LGR6: variants seen among roughly 807,000 people sequenced by gnomAD.
LGR6 encodes leucine rich repeat containing G protein-coupled receptor 6.
A neutral mutation model predicts 69.4 loss-of-function variants in LGR6; 45 were observed. The observed-to-expected ratio is 0.65, with a 90% CI of 0.51 to 0.83. The LOEUF (loss-of-function observed/expected upper bound fraction) is 0.83, where lower values mean the gene tolerates loss of function less well. LGR6 is among the 40% of genes least tolerant of loss of function. LGR6 has a pLI of 0.00. For missense variants in LGR6, 1,108 were observed against 1,246.7 expected, an observed-to-expected ratio of 0.89 and a Z score of 1.68; for synonymous variants, 538 against 555.0, an observed-to-expected ratio of 0.97 and a Z score of 0.43.
Position 202,268,864 on chromosome 1 carries a change from G to C in LGR6, c.429-7442G>C, listed in dbSNP as rs578128921. Among the ~76,000 whole-genome samples the C allele has an allele frequency of 9.0e-4, 137 of 152,258 alleles. 1 individual carries two copies. The highest frequency in any genetic ancestry group is 3.2e-3 in the African/African-American group (132 of 41,548). ...GTTGCCAGGGCCCTGATAGCAGAAG[G>C]GGCCTGTACCTGGTTTAGTGTTCTA... is the stretch of plus-strand genomic sequence containing the variant. On this transcript the variant is annotated intron_variant, in intron 4 of 17. Coordinates refer to ENST00000367278, the MANE Select transcript of LGR6 (RefSeq NM_001017403.2). The surrounding 1 kb of genome is among the most constrained non-coding windows in gnomAD (Gnocchi z 4.4).
At chr1:202,204,653 A>ACCCCCAAACACACACACG (rs1659018078) in intron 1 of LGR6, among the ~76,000 whole-genome samples, 1 of 33,428 alleles carries the variant, frequency 3.0e-5, no homozygotes, top group Non-Finnish European at 5.6e-5. Flanking sequence ...ACACACACAC[A>ACCCCCAAACACACACACG]CCTCCAAACA....
rs71890535 is a variant in LGR6, at chr1:202,254,899, C to CA, written c.428+18922dup. Reference sequence around the variant, plus strand: ...AACAATAGTTGAGACTCTGTCTCTACAAAAAAAAAAAAAAAAGGAAAGAGA... The same window carrying CA: ...AACAATAGTTGAGACTCTGTCTCTACAAAAAAAAAAAAAAAAAGGAAAGAGA... On this transcript the variant is annotated intron_variant, in intron 4 of 17. Transcript: ENST00000367278. Among the ~76,000 whole-genome samples, 496 of 124,316 alleles carry CA rather than the reference C, an allele frequency of 4.0e-3. 4 individuals carry two copies. Among genetic ancestry groups the CA allele is most frequent in the East Asian group, 0.02 (99 of 4,848 alleles). 81.6% of individuals were successfully genotyped at this position (124,316 alleles called of 152,430 possible).
chr1:202,318,077 G>GCCCCCC lies in LGR6; in HGVS notation c.1774_1775insCCCCCC (p.Val592delinsAlaProLeu). The GCCCCCC allele has an allele frequency of 6.2e-7, 1 of 1,613,850 alleles. No individual in the cohort carries two copies. Among genetic ancestry groups the GCCCCCC allele is most frequent in the Non-Finnish European group, 8.5e-7 (1 of 1,179,770 alleles). ...GCTGACCGTGTTCGCTGGCGGGCCT[G>GCCCCCC]TCCCCCTGCCCCCGGTCAAGTTTGT... On this transcript the variant is annotated protein_altering_variant, in exon 18 of 18. Coordinates refer to ENST00000367278, the MANE Select transcript of LGR6 (RefSeq NM_001017403.2).
At chr1:202,220,953 C>T (rs1406703358) in intron 1 of LGR6, among the ~76,000 whole-genome samples, 1 of 152,176 alleles carries the variant, frequency 6.6e-6, no homozygotes, top group Admixed American at 6.5e-5. Flanking sequence ...GATTATCTCA[C>T]AATGTATACA....
chr1:202,236,149 G>A lies in LGR6; in HGVS notation c.428+156G>A, dbSNP rs567606169. 67 of 639,504 alleles carry A rather than the reference G, an allele frequency of 1.0e-4. No individual in the cohort carries two copies. In the African/African-American group the frequency reaches 1.1e-3, roughly 10 times the overall value. The allele number at this position is 639,504 out of a possible 1,614,324, so 39.6% of individuals were successfully genotyped here. A position where few individuals can be genotyped will look rare whatever the true frequency, so the allele number is the denominator to read the frequency against. ...TGCCGCTCCTGGCTTTGGTTTCTCC[G>A]GGGTTTTCTGTTGTCATCAGTGTGT... is the stretch of plus-strand genomic sequence containing the variant. On this transcript the variant is annotated intron_variant, in intron 4 of 17. Coordinates refer to ENST00000367278, the MANE Select transcript of LGR6 (RefSeq NM_001017403.2).
chr1:202,207,587 T>C (rs1230768399), intron 1 of LGR6, among the ~76,000 whole-genome samples: 1 of 152,148 alleles, frequency 6.6e-6, no homozygotes, highest in Non-Finnish European at 1.5e-5. Flanking sequence ...CCTGTGTGTG[T>C]TGGCCTCCTT....
chr1:202,287,609 C>T (rs1233864397), intron 6 of LGR6, among the ~76,000 whole-genome samples: 1 of 152,172 alleles, frequency 6.6e-6, no homozygotes, highest in Non-Finnish European at 1.5e-5. Flanking sequence ...GGAGTCTTTC[C>T]CTGAACCCAT....
At chr1:202,213,452 T>C (rs896260866) in intron 1 of LGR6, among the ~76,000 whole-genome samples, 1 of 152,006 alleles carries the variant, frequency 6.6e-6, no homozygotes, top group Non-Finnish European at 1.5e-5. Context: ...GATCAGAAGA[T>C]CAAAGGATGA....
chr1:202,303,346 C>G lies in LGR6; in HGVS notation c.997C>G (p.Leu333Val), dbSNP rs1015253934. Residue 333 changes from leucine (L) to valine (V), a missense_variant and splice_region_variant, in exon 10 of 18, where the codon CTG becomes GTG. Leu to Val is a conservative substitution (Grantham distance 32). Coordinates refer to ENST00000367278, the MANE Select transcript of LGR6 (RefSeq NM_001017403.2). ...CAAAGGCACCACCAGCCTGGAGATC[C>G]TGTGAGTGGCTTCTCTCTCCCTACC... ...DLKGTTSLEI[L>V]TLTRAGIRLL... 1 of 1,611,628 alleles carries G rather than the reference C, an allele frequency of 6.2e-7. No homozygotes were observed. Among genetic ancestry groups the G allele is most frequent in the African/African-American group, 1.3e-5 (1 of 74,866 alleles).
At position 202,227,985 on chromosome 1, in the gene LGR6, G is replaced by T; in HGVS notation, c.334G>T (p.Gly112Cys). 6.2e-7 allele frequency: 1 copy of T among 1,613,262 alleles called. No individual in the cohort carries two copies. The highest frequency in any genetic ancestry group is 1.1e-5 in the South Asian group (1 of 91,034). ...LSHIPGQAFSGLYSLKILMLQ... is the reference protein window; with the variant it reads ...LSHIPGQAFSCLYSLKILMLQ... ...ACACATCCCAGGACAAGCATTCTCT[G>T]GTCTCTACAGCCTGAAAATCCTGTA... The change falls in exon 3 of 18, where the codon GGT becomes TGT. Residue 112 changes from glycine to cysteine, a missense_variant. Transcript: ENST00000367278.
At chr1:202,236,873 C>G (rs555148110) in intron 4 of LGR6, among the ~76,000 whole-genome samples, 4 of 152,136 alleles carry the variant, frequency 2.6e-5, no homozygotes, top group Non-Finnish European at 5.9e-5. Flanking sequence ...TGGCGCTGTT[C>G]AGTCTGTGGA....
chr1:202,305,841 C>T, intron 12 of LGR6, 92 bp downstream of exon 12: 1 of 954,186 alleles, frequency 1.0e-6, no homozygotes, highest in Non-Finnish European at 1.7e-6. Context: ...CAGTAAGGGC[C>T]AATGCACACT....
intron 5 of LGR6, 39 bp downstream of exon 5, chr1:202,276,560 G>C (rs756505931): frequency 6.9e-7 from 1 of 1,453,042 alleles, no homozygotes. Context: ...GTGGGGTCCT[G>C]CTGGGGGCTG....
At chr1:202,226,318 G>T (rs557606107) in intron 2 of LGR6, among the ~76,000 whole-genome samples, 3 of 152,260 alleles carry the variant, frequency 2.0e-5, no homozygotes, top group African/African-American at 7.2e-5. Context: ...TGCGGCTCTA[G>T]AAATTTTGCT....
At position 202,319,665 on chromosome 1, in the gene LGR6, C is replaced by G. The variant is rs535112392; in HGVS notation, c.*458C>G. ...TGACATATGCCATGCATAAAGACTT[C>G]CTATTAAAATAAGCTTTGGAAGAGA... On this transcript the variant is annotated 3_prime_UTR_variant, in exon 18 of 18. Coordinates refer to ENST00000367278, the MANE Select transcript of LGR6 (RefSeq NM_001017403.2). 6.3e-6 allele frequency: 1 copy of G among 159,454 alleles called. No individual in the cohort carries two copies. The highest frequency in any genetic ancestry group is 2.4e-5 in the African/African-American group (1 of 41,696). 9.9% of individuals were successfully genotyped at this position (159,454 alleles called of 1,614,324 possible).
At chr1:202,242,035 G>A (rs1161619384) in intron 4 of LGR6, among the ~76,000 whole-genome samples, 1 of 152,206 alleles carries the variant, frequency 6.6e-6, no homozygotes, top group Non-Finnish European at 1.5e-5. Flanking sequence ...AGCCAGGGTG[G>A]ATAGATGATG....
chr1:202,241,467 C>T (rs1353629822), intron 4 of LGR6, among the ~76,000 whole-genome samples: 3 of 152,212 alleles, frequency 2.0e-5, no homozygotes. Flanking sequence ...ATGTGGTACA[C>T]AAACTGTTTG....
chr1:202,302,043 C>A (rs1667638319), intron 9 of LGR6, among the ~76,000 whole-genome samples: 1 of 151,880 alleles, frequency 6.6e-6, no homozygotes, highest in South Asian at 2.1e-4. Flanking sequence ...AAAAATTAGC[C>A]GGACGTGGTG....
intron 4 of LGR6, among the ~76,000 whole-genome samples, chr1:202,253,620 CTTTTTT>C (rs71141468): frequency 1.5e-4 from 8 of 52,484 alleles, no homozygotes; most frequent in Non-Finnish European, 2.1e-4. Flanking sequence ...TCCTACTATT[CTTTTTT>C]TTTTTTTTTT....
Sources: allele counts gnomAD v4.1 joint callset (sites outside exome capture counted in the v4.1 genomes callset), GRCh38; gene constraint gnomAD v4.1.1; non-coding constraint Gnocchi (gnomAD v3.1); transcripts MANE v1.5; gene names NCBI Gene and HGNC (gene_info 2026-07-23, HGNC 2026-07-21).